Variants in ZNF587B observed in about 807,000 individuals in gnomAD.
The protein encoded by ZNF587B is zinc finger protein 587B.
In ZNF587B, 6 loss-of-function variants were observed where a neutral mutation model predicts 7.2. The observed-to-expected ratio is 0.83, with a 90% confidence interval of 0.46 to 1.65. The LOEUF is 1.65. ZNF587B is among the 40% of genes most tolerant of loss of function. The pLI, the probability that ZNF587B is intolerant of heterozygous loss-of-function variation, is 0.01. For synonymous variants in ZNF587B, 274 were observed against 254.3 expected, an observed-to-expected ratio of 1.08 and a Z score of -0.74; for missense variants, 749 against 761.0, an observed-to-expected ratio of 0.98 and a Z score of 0.19.
At position 57,846,225 on chromosome 19, in the gene ZNF587B, G is replaced by A. The variant is rs1989048340; in HGVS notation, c.*3649G>A. 6.6e-6 allele frequency: 1 copy of A among 152,006 alleles called. No individual in the cohort carries two copies. 9.4% of individuals were successfully genotyped at this position (152,006 alleles called of 1,614,324 possible). On this transcript the variant is annotated 3_prime_UTR_variant, in exon 3 of 3. Coordinates refer to ENST00000594901, the MANE Select transcript of ZNF587B (RefSeq NM_001376223.1). ...AATTTTCTGACTGATGTAATAAAGT[G>A]TTTCCTCTTATAATCCCTGGGTGCT...
In ZNF587B at chr19:57,843,587, G is replaced by GT. The variant is rs1324065807; in HGVS notation, c.*1013dup. 2.5e-3 allele frequency: 1,913 copies of GT among 754,852 alleles called. 23 individuals are homozygous for GT. The highest frequency in any genetic ancestry group is 2.8e-3 in the East Asian group (18 of 6,388). The allele number at this position is 754,852 out of a possible 1,614,324, so 46.8% of individuals were successfully genotyped here. On this transcript the variant is annotated 3_prime_UTR_variant, in exon 3 of 3. Transcript: ENST00000594901. ...GTTTGGTTGGTTGGTTGGTTGGTTGGTTGTTTTTTTTTGTTTTTTTTTTTT... is the reference window on the plus strand; with the variant it reads ...GTTTGGTTGGTTGGTTGGTTGGTTGGTTTGTTTTTTTTTGTTTTTTTTTTTT...
chr19:57,832,721 C>T (rs1309124762), intron 1 of ZNF587B, among the ~76,000 whole-genome samples: 5 of 152,248 alleles, frequency 3.3e-5, no homozygotes, highest in South Asian at 2.1e-4. Context: ...TGAAAGGACC[C>T]GGGTGTTGTG....
chr19:57,830,451 C>T lies in ZNF587B; in HGVS notation c.-78C>T. ...CGCCAAGCGTGACCCACCCCTGGGC[C>T]AGGATAGGGACCGTCATGCCCATAT... On this transcript the variant is annotated 5_prime_UTR_variant, in exon 1 of 3. Transcript: ENST00000594901. 1.3e-6 allele frequency: 2 copies of T among 1,501,444 alleles called. No individual in the cohort carries two copies. Among genetic ancestry groups the T allele is most frequent in the East Asian group, 2.5e-5 (1 of 40,658 alleles). The allele number at this position is 1,501,444 out of a possible 1,614,324, so 93.0% of individuals were successfully genotyped here.
At position 57,841,847 on chromosome 19, in the gene ZNF587B, T is replaced by C. The variant is rs767406139; in HGVS notation, c.1173T>C (p.Tyr391=). The change falls in exon 3 of 3, where the codon TAT becomes TAC. Residue 391 remains tyrosine, a synonymous_variant. Coordinates refer to ENST00000594901, the MANE Select transcript of ZNF587B (RefSeq NM_001376223.1). ...AGTGTGGAGAATGTGGGAAATCTTA[T>C]ATTTCAAAGGGGCACCTTAGGATCC... The part of the protein sequence containing the change: ...PYKCGECGKS[Y]ISKGHLRIHQ... 1.6e-5 allele frequency: 26 copies of C among 1,612,600 alleles called. No individual in the cohort carries two copies. Among genetic ancestry groups the C allele is most frequent in the Admixed American group, 6.7e-5 (4 of 59,784 alleles).
Position 57,841,078 on chromosome 19 carries a change from T to G in ZNF587B, c.404T>G (p.Phe135Cys). Residue 135 changes from phenylalanine (F) to cysteine (C), a missense_variant, in exon 3 of 3, where the codon TTT becomes TGT. By Grantham distance (205) the Phe-to-Cys change is radical. Transcript: ENST00000594901. ...AATAAATTGTATGACAGTGGAAACTTTCATCAGCACCAGAATGAGCACATT... is the reference window on the plus strand; with the variant it reads ...AATAAATTGTATGACAGTGGAAACTGTCATCAGCACCAGAATGAGCACATT... ...WGNKLYDSGN[F>C]HQHQNEHIGE... is the part of the protein sequence containing the mutation. 6.2e-7 allele frequency: 1 copy of G among 1,613,778 alleles called. No individual in the cohort carries two copies. The highest frequency in any genetic ancestry group is 8.5e-7 in the Non-Finnish European group (1 of 1,179,960).
chr19:57,845,300 G>C lies in ZNF587B; in HGVS notation c.*2724G>C, dbSNP rs1473677106. ...TGGCTGAAATGTATGTCTTTTAAAGGAGTGTCCACAGTTATCCAGTCACTG... is the reference window on the plus strand; with the variant it reads ...TGGCTGAAATGTATGTCTTTTAAAGCAGTGTCCACAGTTATCCAGTCACTG... On this transcript the variant is annotated 3_prime_UTR_variant, in exon 3 of 3. Transcript: ENST00000594901. 1 of 152,148 alleles carries C rather than the reference G, an allele frequency of 6.6e-6. No homozygotes were observed. The highest frequency in any genetic ancestry group is 1.5e-5 in the Non-Finnish European group (1 of 68,034). The allele number at this position is 152,148 out of a possible 1,614,324, so 9.4% of individuals were successfully genotyped here.
chr19:57,842,981 T>C lies in ZNF587B; in HGVS notation c.*405T>C, dbSNP rs577017688. On this transcript the variant is annotated 3_prime_UTR_variant, in exon 3 of 3. Transcript: ENST00000594901. ...ACACTGTAGATGTATAGGTTAGATA[T>C]ATAGGGAATGTTATTATTTTTTCCT... 1.2e-5 allele frequency: 12 copies of C among 984,974 alleles called. No individual in the cohort carries two copies. The African/African-American group carries it at 1.7e-4, about 14-fold the overall frequency. The allele number at this position is 984,974 out of a possible 1,614,324, so 61.0% of individuals were successfully genotyped here. A position where few individuals can be genotyped will look rare whatever the true frequency, so the allele number is the denominator to read the frequency against.
At chr19:57,832,983 T>C (rs915799021) in intron 1 of ZNF587B, among the ~76,000 whole-genome samples, 5 of 152,214 alleles carry the variant, frequency 3.3e-5, no homozygotes, top group African/African-American at 1.2e-4. Context: ...GGGACTGTGC[T>C]GGGTGAGAGC....
chr19:57,830,947 G>T (rs1988360554), intron 1 of ZNF587B, among the ~76,000 whole-genome samples: 1 of 152,118 alleles, frequency 6.6e-6, no homozygotes, highest in South Asian at 2.1e-4. Context: ...TTTTACAGAA[G>T]TAAAGTAGGC....
intron 1 of ZNF587B, among the ~76,000 whole-genome samples, chr19:57,835,945 C>T (rs1052848283): frequency 6.6e-6 from 1 of 151,448 alleles, no homozygotes; most frequent in Admixed American, 6.6e-5. Context: ...TTTTAGGGAA[C>T]CAGAAAGGAC....
Position 57,842,885 on chromosome 19 carries a change from T to C in ZNF587B, c.*309T>C, listed in dbSNP as rs1225597029. 1.0e-6 allele frequency: 1 copy of C among 985,328 alleles called. No homozygotes were observed. The highest frequency in any genetic ancestry group is 1.1e-4 in the East Asian group (1 of 8,836). 61.0% of individuals were successfully genotyped at this position (985,328 alleles called of 1,614,324 possible). A position where few individuals can be genotyped will look rare whatever the true frequency, so the allele number is the denominator to read the frequency against. ...GAGAGCTGTCACTACGGAAATGCCT[T>C]TTGAATGTAATGTTTGCAAAAAAGC... On this transcript the variant is annotated 3_prime_UTR_variant, in exon 3 of 3. Transcript: ENST00000594901.
In ZNF587B at chr19:57,844,133, A is replaced by T; in HGVS notation, c.*1557A>T. The T allele has an allele frequency of 3.5e-6, 1 of 289,378 alleles. No homozygotes were observed. Among genetic ancestry groups the T allele is most frequent in the Admixed American group, 4.9e-5 (1 of 20,318 alleles). The allele number at this position is 289,378 out of a possible 1,614,324, so 17.9% of individuals were successfully genotyped here. On this transcript the variant is annotated 3_prime_UTR_variant, in exon 3 of 3. Coordinates refer to ENST00000594901, the MANE Select transcript of ZNF587B (RefSeq NM_001376223.1). The stretch of plus-strand genomic sequence containing the variant: ...TAGCCTCAGCACTTCTTGCTTTTTC[A>T]TTTCTTTCTGATAAGTTACACCATG...
rs779454756 is a variant in ZNF587B at position 57,844,255 on chromosome 19, C to T, written c.*1679C>T. On this transcript the variant is annotated 3_prime_UTR_variant, in exon 3 of 3. Transcript: ENST00000594901. Reference sequence around the variant, plus strand: ...GTGGCTCATGCCTGTAATCCCAACACTTTGGGAGGCCGAGGTGGGTGGATC... The same window carrying T: ...GTGGCTCATGCCTGTAATCCCAACATTTTGGGAGGCCGAGGTGGGTGGATC... 1.2e-5 allele frequency: 5 copies of T among 429,106 alleles called. No individual in the cohort carries two copies. Among genetic ancestry groups the T allele is most frequent in the South Asian group, 8.1e-5 (5 of 62,062 alleles). 26.6% of individuals were successfully genotyped at this position (429,106 alleles called of 1,614,324 possible).
At chr19:57,839,187 C>T in intron 2 of ZNF587B, 38 bp downstream of exon 2, 1 of 1,610,656 alleles carries the variant, frequency 6.2e-7, no homozygotes, top group East Asian at 2.2e-5. Context: ...TTGAGCTAGT[C>T]TCTGTTTTCC....
At position 57,841,783 on chromosome 19, in the gene ZNF587B, G is replaced by C. The variant is rs755666355; in HGVS notation, c.1109G>C (p.Ser370Thr). 1 of 1,610,214 alleles carries C rather than the reference G, an allele frequency of 6.2e-7. No individual in the cohort carries two copies. Among genetic ancestry groups the C allele is most frequent in the Non-Finnish European group, 8.5e-7 (1 of 1,178,318 alleles). ...EKSFSRKPSL[S>T]YHQRIHTEVR... ...TCTTTTAGTCGGAAGCCCAGCCTTA[G>C]TTACCATCAGCGCATTCACACTGAA... is the stretch of plus-strand genomic sequence containing the variant. The change falls in exon 3 of 3, where the codon AGT (serine) becomes ACT (threonine). Residue 370 changes from serine to threonine, a missense_variant. By Grantham distance (58) the Ser-to-Thr change is moderately conservative (BLOSUM62 1). Transcript: ENST00000594901.
chr19:57,840,420 G>C (rs1988794658), intron 2 of ZNF587B, among the ~76,000 whole-genome samples: 1 of 151,972 alleles, frequency 6.6e-6, no homozygotes, highest in African/African-American at 2.4e-5. Context: ...TCCAGTATTT[G>C]CATAGAGATT....
rs1989019748 is a variant in ZNF587B, at chr19:57,845,151, G to A, written c.*2575G>A. 6.6e-6 allele frequency: 1 copy of A among 152,026 alleles called. No homozygotes were observed. Among genetic ancestry groups the A allele is most frequent in the African/African-American group, 2.4e-5 (1 of 41,384 alleles). The allele number at this position is 152,026 out of a possible 1,614,324, so 9.4% of individuals were successfully genotyped here. On this transcript the variant is annotated 3_prime_UTR_variant, in exon 3 of 3. Transcript: ENST00000594901. ...GCCACCACACCACTAATGTTTTGTG[G>A]TTTTAGTAGAGACGGGTTTCACCGT...
At chr19:57,831,793 C>T (rs1317075493) in intron 1 of ZNF587B, among the ~76,000 whole-genome samples, 2 of 151,858 alleles carry the variant, frequency 1.3e-5, no homozygotes, top group South Asian at 2.1e-4. Context: ...CAACCTCCGC[C>T]TGCCGGGTTC....
At position 57,841,029 on chromosome 19, in the gene ZNF587B, C is replaced by G. The variant is rs1988821260; in HGVS notation, c.355C>G (p.Leu119Val). 1.2e-6 allele frequency: 2 copies of G among 1,610,768 alleles called. No individual in the cohort carries two copies. Among genetic ancestry groups the G allele is most frequent in the African/African-American group, 1.3e-5 (1 of 74,528 alleles). Residue 119 changes from leucine (L) to valine (V), a missense_variant, in exon 3 of 3, where the codon CTG becomes GTG. Physicochemically the swap from Leu to Val is conservative, Grantham distance 32. Transcript: ENST00000594901. ...TCAGGGAACACATCACAAGCAGAAACTGCACAGGTGTGAGGCCTGGGGGAA... is the reference window on the plus strand; with the variant it reads ...TCAGGGAACACATCACAAGCAGAAAGTGCACAGGTGTGAGGCCTGGGGGAA... ...DHQGTHHKQK[L>V]HRCEAWGNKL...
Sources: gnomAD v4.1 joint callset for allele counts (sites outside exome capture counted in the v4.1 genomes callset) on GRCh38, gnomAD v4.1.1 for gene constraint, MANE v1.5 for transcripts, NCBI Gene and HGNC (gene_info 2026-07-23, HGNC 2026-07-21) for gene names.